ERICH1: variants seen among roughly 807,000 people sequenced by gnomAD.
The protein encoded by ERICH1 is glutamate rich 1.
ERICH1 carries 56 observed loss-of-function variants against 39.6 expected under a neutral mutation model. The observed-to-expected ratio is 1.41, with a 90% CI of 1.14 to 1.77. ERICH1 has a LOEUF of 1.77. Ranked by LOEUF, ERICH1 falls within the 40% of genes most tolerant of loss-of-function variation. The pLI is 0.00. For synonymous variants in ERICH1, 313 were observed against 223.6 expected (o/e 1.40, Z -3.57); for missense variants, 826 against 575.4 (o/e 1.44, Z -4.45).
chr8:682,674 A>G (rs1256022492), intron 3 of ERICH1, among the ~76,000 whole-genome samples: 1 of 152,212 alleles, frequency 6.6e-6, no homozygotes, highest in Admixed American at 6.5e-5. Flanking sequence ...CTAACTTTAA[A>G]AGGAGTCACA....
chr8:719,581 G>A (rs1816820345), intron 1 of ERICH1, among the ~76,000 whole-genome samples: 1 of 152,194 alleles, frequency 6.6e-6, no homozygotes, highest in East Asian at 1.9e-4. Flanking sequence ...GACACCGCGG[G>A]ACCAGATCCT....
intron 2 of ERICH1, among the ~76,000 whole-genome samples, chr8:711,740 G>A (rs906164636): frequency 3.3e-5 from 5 of 151,962 alleles, no homozygotes; most frequent in Admixed American, 6.6e-5. Flanking sequence ...CTCGTGATCC[G>A]CCCATCTTGG....
intron 3 of ERICH1, among the ~76,000 whole-genome samples, chr8:686,910 G>A (rs926159939): frequency 6.6e-6 from 1 of 151,530 alleles, no homozygotes; most frequent in African/African-American, 2.4e-5. Context: ...GACTCTGTCA[G>A]GCCCTTGAGA....
At chr8:672,406 C>A (rs943216308) in intron 4 of ERICH1, among the ~76,000 whole-genome samples, 4 of 152,192 alleles carry the variant, frequency 2.6e-5, no homozygotes, top group African/African-American at 4.8e-5. Context: ...AAAAATGGTA[C>A]TTCTGCATCT....
At chr8:685,670 G>A (rs1471094177) in intron 3 of ERICH1, among the ~76,000 whole-genome samples, 2 of 152,116 alleles carry the variant, frequency 1.3e-5, no homozygotes, top group African/African-American at 4.8e-5. Context: ...TCTCTGTCAC[G>A]CCTTCAGCCG....
chr8:629,904 CAG>C, intron 3 of ERICH1, among the ~76,000 whole-genome samples: 1 of 131,500 alleles, frequency 7.6e-6, no homozygotes, highest in African/African-American at 3.1e-5. Flanking sequence ...CCCACACAGA[CAG>C]AGCTGACTCA....
intron 4 of ERICH1, chr8:671,830 G>A (rs1433652435): frequency 6.1e-6 from 1 of 164,942 alleles, no homozygotes; most frequent in Middle Eastern, 2.7e-3. Context: ...CTCTGAACCT[G>A]CCGGCCCCGG....
intron 2 of ERICH1, among the ~76,000 whole-genome samples, chr8:708,300 G>C (rs987982770): frequency 2.0e-5 from 3 of 152,126 alleles, no homozygotes; most frequent in African/African-American, 7.2e-5. Flanking sequence ...AAACTCAAGA[G>C]AATCGAAAAC....
intron 5 of ERICH1, chr8:666,033 CAG>C (rs1175017941): frequency 6.6e-6 from 1 of 152,212 alleles, no homozygotes; most frequent in Non-Finnish European, 1.5e-5. Context: ...TAGCTTGACA[CAG>C]AAAACCTTTA....
intron 2 of ERICH1, among the ~76,000 whole-genome samples, chr8:709,992 T>C (rs535164368): frequency 6.6e-6 from 1 of 152,232 alleles, no homozygotes; most frequent in South Asian, 2.1e-4. Context: ...AAAATGTTGG[T>C]TCAGTAAAAT....
At chr8:683,806 C>T (rs1806695553) in intron 3 of ERICH1, among the ~76,000 whole-genome samples, 1 of 152,242 alleles carries the variant, frequency 6.6e-6, no homozygotes, top group Admixed American at 6.5e-5. Flanking sequence ...TGGATGTGAT[C>T]TGCCGCTAAG....
At chr8:668,142 C>G in intron 5 of ERICH1, 2 of 241,906 alleles carry the variant, frequency 8.3e-6, no homozygotes, top group South Asian at 5.4e-5. Context: ...ATGAGCACAG[C>G]TGCTCCAGCA....
intron 4 of ERICH1, among the ~76,000 whole-genome samples, chr8:671,411 A>C (rs1248686106): frequency 2.8e-4 from 26 of 93,226 alleles, no homozygotes; most frequent in Middle Eastern, 0.011. Context: ...CTCCAGGCTG[A>C]GACCTCTGAA....
intron 3 of ERICH1, among the ~76,000 whole-genome samples, chr8:636,144 A>T (rs912728132): frequency 1.3e-5 from 2 of 152,182 alleles, no homozygotes; most frequent in African/African-American, 4.8e-5. Context: ...GGCGCGCTCT[A>T]AGGCGGCTGA....
chr8:695,922 C>T (rs1228758022), intron 2 of ERICH1, among the ~76,000 whole-genome samples: 1 of 87,334 alleles, frequency 1.1e-5, no homozygotes, highest in Non-Finnish European at 2.2e-5. Flanking sequence ...TCCTCTCACC[C>T]TCCACTCCTC....
intron 3 of ERICH1, among the ~76,000 whole-genome samples, chr8:618,105 C>A (rs895616802): frequency 3.3e-5 from 5 of 151,036 alleles, no homozygotes; most frequent in Non-Finnish European, 5.9e-5. Flanking sequence ...ATCCTCACTG[C>A]CCTATGCGTG....
chr8:650,073 C>T (rs907435135), intron 3 of ERICH1, among the ~76,000 whole-genome samples: 5 of 152,242 alleles, frequency 3.3e-5, no homozygotes, highest in Non-Finnish European at 7.3e-5. Flanking sequence ...GCTTTCGTGC[C>T]GGTTCAGAAG....
intron 1 of ERICH1, 80 bp from the exon 2 acceptor site, chr8:716,087 T>G: frequency 6.7e-7 from 1 of 1,495,602 alleles, no homozygotes; most frequent in Non-Finnish European, 8.9e-7. Flanking sequence ...TGACTTTTAC[T>G]CTACACAAAC....
intron 1 of ERICH1, among the ~76,000 whole-genome samples, chr8:720,137 G>A (rs1261157789): frequency 6.6e-6 from 1 of 152,210 alleles, no homozygotes; most frequent in Non-Finnish European, 1.5e-5. Flanking sequence ...TGACTGCTCT[G>A]CACAAAAGAG....
Sources: gnomAD v4.1 joint callset for allele counts (sites outside exome capture counted in the v4.1 genomes callset) on GRCh38, gnomAD v4.1.1 for gene constraint, MANE v1.5 for transcripts, NCBI Gene and HGNC (gene_info 2026-07-23, HGNC 2026-07-21) for gene names.